The following CASKIN2 variants were observed in gnomAD, a reference collection of about 807,000 sequenced individuals.
CASKIN2 encodes CASK interacting protein 2.
A neutral mutation model predicts 107.1 loss-of-function variants in CASKIN2; 41 were observed. That is an observed-to-expected ratio of 0.38 (90% CI 0.30 to 0.50). CASKIN2 has a LOEUF of 0.50. Ranked by LOEUF, CASKIN2 falls within the 20% of genes least tolerant of loss-of-function variation. The pLI is 0.92. For missense variants in CASKIN2, 1,546 were observed against 1,657.4 expected (o/e 0.93, Z 1.17); for synonymous variants, 724 against 705.6 (o/e 1.03, Z -0.41).
At position 75,507,691 on chromosome 17, in the gene CASKIN2, G is replaced by A. The variant is rs762835555; in HGVS notation, c.147-10C>T. ...GTGGAGGGCAGAGAATCTGATGTGG[G>A]AGGACACAAAGTTAGGGGTGTTGGT... On this transcript the variant is annotated splice_polypyrimidine_tract_variant and intron_variant, in intron 3 of 19. Transcript: ENST00000321617. 1.2e-6 allele frequency: 2 copies of A among 1,606,882 alleles called. No individual in the cohort carries two copies. The highest frequency in any genetic ancestry group is 1.7e-5 in the Admixed American group (1 of 59,748).
Position 75,505,996 on chromosome 17 carries a change from T to C in CASKIN2, c.727-67A>G. The stretch of plus-strand genomic sequence containing the variant: ...ACACCCCTCACCCGATTCTCTCAGC[T>C]ACCCGGGACATAGGTACTATTACCA... On this transcript the variant is annotated intron_variant, in intron 8 of 19. Coordinates refer to ENST00000321617, the MANE Select transcript of CASKIN2 (RefSeq NM_020753.5). This position sits in a 1 kb window ranked among gnomAD's most constrained non-coding sequence, Gnocchi z 5.1. 2 of 1,369,158 alleles carry C rather than the reference T, an allele frequency of 1.5e-6. No homozygotes were observed. The highest frequency in any genetic ancestry group is 1.4e-5 in the African/African-American group (1 of 69,970). The allele number at this position is 1,369,158 out of a possible 1,614,324, so 84.8% of individuals were successfully genotyped here. A position where few individuals can be genotyped will look rare whatever the true frequency, so the allele number is the denominator to read the frequency against.
Position 75,504,400 on chromosome 17 carries a change from G to C in CASKIN2, c.1375+20C>G. The C allele has an allele frequency of 6.2e-7, 1 of 1,604,028 alleles. No individual in the cohort carries two copies. The highest frequency in any genetic ancestry group is 8.5e-7 in the Non-Finnish European group (1 of 1,173,028). On this transcript the variant is annotated intron_variant, in intron 13 of 19. Coordinates refer to ENST00000321617, the MANE Select transcript of CASKIN2 (RefSeq NM_020753.5). ...ACTTGCACCTCTCCTAGCCAACCCA[G>C]GTCCCCTGACCCTTCCTACCTGCCA...
chr17:75,513,075 T>G (rs1475344992), intron 2 of CASKIN2, among the ~76,000 whole-genome samples: 1 of 152,182 alleles, frequency 6.6e-6, no homozygotes, highest in Non-Finnish European at 1.5e-5. Flanking sequence ...AAAGACCATC[T>G]GCTAGAAGGC....
At chr17:75,509,765 G>A (rs1420506113) in intron 2 of CASKIN2, 3 of 985,476 alleles carry the variant, frequency 3.0e-6, no homozygotes, top group Non-Finnish European at 2.4e-6. Context: ...CAGCAGGGAA[G>A]AGACACAGAG....
chr17:75,504,811 C>T lies in CASKIN2; in HGVS notation c.1192+1G>A. 6.2e-7 allele frequency: 1 copy of T among 1,608,826 alleles called. No homozygotes were observed. Among genetic ancestry groups the T allele is most frequent in the Non-Finnish European group, 8.5e-7 (1 of 1,178,192 alleles). ...CAGCACTGCCCCCTGGGAGGATGTA[C>T]CTGGGCTGTCTGGGCTGAGGCCCAC... On this transcript the variant is annotated splice_donor_variant, in intron 11 of 19. Coordinates refer to ENST00000321617, the MANE Select transcript of CASKIN2 (RefSeq NM_020753.5). LOFTEE classifies it high-confidence loss of function.
At chr17:75,507,920 G>A in intron 3 of CASKIN2, 2 of 582,082 alleles carry the variant, frequency 3.4e-6, no homozygotes, top group Admixed American at 3.0e-5. Flanking sequence ...AGGGGAGGGG[G>A]CCGTGGGAGC....
chr17:75,500,835 G>T lies in CASKIN2; in HGVS notation c.*245C>A. On this transcript the variant is annotated 3_prime_UTR_variant, in exon 20 of 20. Transcript: ENST00000321617. ...AGGAGCAGGGCTGTCCTGCTCAATC[G>T]ATCAAACCCTGGGAGGGGCTTTGCT... The T allele has an allele frequency of 2.0e-6, 1 of 509,470 alleles. No homozygotes were observed. Among genetic ancestry groups the T allele is most frequent in the Non-Finnish European group, 3.6e-6 (1 of 279,156 alleles). The allele number at this position is 509,470 out of a possible 1,614,324, so 31.6% of individuals were successfully genotyped here.
rs2053230805 is a variant in CASKIN2, at chr17:75,503,758, G to A, written c.1581C>T (p.Asp527=). The A allele has an allele frequency of 1.2e-6, 2 of 1,612,202 alleles. No homozygotes were observed. Among genetic ancestry groups the A allele is most frequent in the African/African-American group, 2.7e-5 (2 of 74,918 alleles). The stretch of plus-strand genomic sequence containing the variant: ...GCTTGGTCACCCCGATGGCCGTCAG[G>A]TCCTGCCACACAAAGTCTGGCCATC... The part of the protein sequence containing the change: ...VPTISRMTPE[D]LTAIGVTKPG... The change falls in exon 16 of 20, where the codon GAC becomes GAT. Residue 527 remains aspartate, a splice_region_variant and synonymous_variant. Coordinates refer to ENST00000321617, the MANE Select transcript of CASKIN2 (RefSeq NM_020753.5).
chr17:75,512,484 C>A (rs1233525779), intron 2 of CASKIN2, among the ~76,000 whole-genome samples: 1 of 152,218 alleles, frequency 6.6e-6, no homozygotes, highest in Non-Finnish European at 1.5e-5. Context: ...GGTCTCGAGG[C>A]TAGGTGAAAA....
chr17:75,502,800 G>A lies in CASKIN2; in HGVS notation c.2274C>T (p.Tyr758=), dbSNP rs2053216479. 1 of 1,581,902 alleles carries A rather than the reference G, an allele frequency of 6.3e-7. No individual in the cohort carries two copies. The highest frequency in any genetic ancestry group is 2.2e-5 in the East Asian group (1 of 44,478). The change falls in exon 18 of 20, where the codon TAC becomes TAT. Residue 758 remains tyrosine (Y), a synonymous_variant. Transcript: ENST00000321617. This position sits in a 1 kb window ranked among gnomAD's most constrained non-coding sequence, Gnocchi z 4.3. Reference sequence around the variant, plus strand: ...CCGGGCTAGAGGGTGAGCCCTGGGGGTACATAAAAACATAGGGTGGGGGTC... The same window carrying A: ...CCGGGCTAGAGGGTGAGCCCTGGGGATACATAAAAACATAGGGTGGGGGTC... ...GQGPPPYVFM[Y]PQGSPSSPAP...
In CASKIN2 at chr17:75,503,022, G is replaced by GC. The variant is rs781378282; in HGVS notation, c.2051dup (p.Glu686Ter). ...CAGGTGGGAGGGGGAGTGGTTCAGG[G>GC]CCACCCCCTGCCATGGCCGCCTGTA... On this transcript the variant is annotated frameshift_variant, in exon 18 of 20. Coordinates refer to ENST00000321617, the MANE Select transcript of CASKIN2 (RefSeq NM_020753.5). LOFTEE classifies it high-confidence loss of function. The GC allele has an allele frequency of 6.2e-7, 1 of 1,602,442 alleles. No individual in the cohort carries two copies.
Position 75,503,624 on chromosome 17 carries a change from C to T in CASKIN2, c.1680+35G>A, listed in dbSNP as rs762661975. 37 of 1,608,038 alleles carry T rather than the reference C, an allele frequency of 2.3e-5. 1 individual carries two copies. Among genetic ancestry groups the T allele is most frequent in the South Asian group, 6.6e-5 (6 of 91,016 alleles). On this transcript the variant is annotated intron_variant, in intron 16 of 19. Transcript: ENST00000321617. ...AAAGCCACAGCTGAGGGTGACAGCA[C>T]GTGCCCCACTCCCCAGCCACCCTTG...
At chr17:75,509,609 G>C (rs1006742770) in intron 2 of CASKIN2, 9 of 985,568 alleles carry the variant, frequency 9.1e-6, no homozygotes, top group Non-Finnish European at 1.1e-5. Flanking sequence ...AGTCCCCTTG[G>C]AAAGTCCTTG....
intron 11 of CASKIN2, 32 bp downstream of exon 11, chr17:75,504,780 A>G (rs555508323): frequency 3.1e-6 from 5 of 1,589,944 alleles, no homozygotes; most frequent in South Asian, 2.3e-5. Flanking sequence ...ACGCCCACAC[A>G]GTGCCCAGCA....
In CASKIN2 at chr17:75,500,845, T is replaced by C. The variant is rs537913785; in HGVS notation, c.*235A>G. 37 of 530,008 alleles carry C rather than the reference T, an allele frequency of 7.0e-5. No homozygotes were observed. Among genetic ancestry groups the C allele is most frequent in the Non-Finnish European group, 1.2e-4 (34 of 292,024 alleles). The allele number at this position is 530,008 out of a possible 1,614,324, so 32.8% of individuals were successfully genotyped here. On this transcript the variant is annotated 3_prime_UTR_variant, in exon 20 of 20. Transcript: ENST00000321617. ...CTGTCCTGCTCAATCGATCAAACCCTGGGAGGGGCTTTGCTGAGATGCAGC... is the reference window on the plus strand; with the variant it reads ...CTGTCCTGCTCAATCGATCAAACCCCGGGAGGGGCTTTGCTGAGATGCAGC...
Position 75,507,654 on chromosome 17 carries a change from C to T in CASKIN2, c.174G>A (p.Leu58=). The T allele has an allele frequency of 6.2e-7, 1 of 1,612,940 alleles. No individual in the cohort carries two copies. Among genetic ancestry groups the T allele is most frequent in the Non-Finnish European group, 8.5e-7 (1 of 1,179,578 alleles). ...DGFSALHHAA[L]GGSLELIALL... Reference sequence around the variant, plus strand: ...AGGCTATGAGCTCCAGGCTGCCCCCCAAAGCAGCGTGGTGGAGGGCAGAGA... The same window carrying T: ...AGGCTATGAGCTCCAGGCTGCCCCCTAAAGCAGCGTGGTGGAGGGCAGAGA... Residue 58 remains leucine, a synonymous_variant, in exon 4 of 20, where the codon TTG becomes TTA. Transcript: ENST00000321617.
At chr17:75,513,094 G>A (rs1207287318) in intron 2 of CASKIN2, among the ~76,000 whole-genome samples, 2 of 152,172 alleles carry the variant, frequency 1.3e-5, no homozygotes, top group South Asian at 2.1e-4. Flanking sequence ...GCAACTCCAC[G>A]AAGACAGGAA....
chr17:75,507,437 C>CG, intron 4 of CASKIN2, 147 bp downstream of exon 4: 1 of 651,676 alleles, frequency 1.5e-6, no homozygotes. Flanking sequence ...GAAGAGTAAA[C>CG]GGGGAAAAGC....
Position 75,506,451 on chromosome 17 carries a change from A to T in CASKIN2, c.618-38T>A. On this transcript the variant is annotated intron_variant, in intron 7 of 19. Transcript: ENST00000321617. The surrounding 1 kb of genome is among the most constrained non-coding windows in gnomAD (Gnocchi z 4.8). The stretch of plus-strand genomic sequence containing the variant: ...GGGGGAGTCACGGGGGAGGTGGCGT[A>T]GGAGGGGGTGCTGACTGCTGGGGGC... 1 of 1,402,570 alleles carries T rather than the reference A, an allele frequency of 7.1e-7. No individual in the cohort carries two copies. Among genetic ancestry groups the T allele is most frequent in the South Asian group, 1.2e-5 (1 of 82,794 alleles). 86.9% of individuals were successfully genotyped at this position (1,402,570 alleles called of 1,614,324 possible). A position where few individuals can be genotyped will look rare whatever the true frequency, so the allele number is the denominator to read the frequency against.
Sources: gnomAD v4.1 joint callset for allele counts (sites outside exome capture counted in the v4.1 genomes callset) on GRCh38, gnomAD v4.1.1 for gene constraint, Gnocchi (gnomAD v3.1) non-coding constraint, MANE v1.5 for transcripts, NCBI Gene and HGNC (gene_info 2026-07-23, HGNC 2026-07-21) for gene names.